Variants in AGBL4 observed in about 807,000 individuals in gnomAD.
The protein encoded by AGBL4 is AGBL carboxypeptidase 4.
A neutral mutation model predicts 66.4 loss-of-function variants in AGBL4; 58 were observed. The observed-to-expected ratio is 0.87, with a 90% confidence interval of 0.71 to 1.09. The LOEUF (loss-of-function observed/expected upper bound fraction) is 1.09, where lower values mean the gene tolerates loss of function less well. Among genes scored for constraint, AGBL4 ranks in the 50% least tolerant of loss-of-function variants. The pLI is 0.00. For missense variants in AGBL4, 579 were observed against 631.0 expected, an observed-to-expected ratio of 0.92 and a Z score of 0.88; for synonymous variants, 234 against 222.9, an observed-to-expected ratio of 1.05 and a Z score of -0.44.
intron 5 of AGBL4, among the ~76,000 whole-genome samples, chr1:49,011,585 T>C (rs1662417481): frequency 6.6e-6 from 1 of 152,112 alleles, no homozygotes; most frequent in South Asian, 2.1e-4. Context: ...TGCACACATA[T>C]GTTTATTGCG....
intron 1 of AGBL4, among the ~76,000 whole-genome samples, chr1:49,960,503 T>A (rs1328413602): frequency 1.3e-5 from 2 of 151,978 alleles, no homozygotes; most frequent in African/African-American, 4.8e-5. Flanking sequence ...TATACCACTA[T>A]AGGATGACTA....
chr1:49,716,248 G>T (rs2124674316), intron 2 of AGBL4, among the ~76,000 whole-genome samples: 1 of 152,222 alleles, frequency 6.6e-6, no homozygotes, highest in African/African-American at 2.4e-5. Context: ...GTTTGTCAAA[G>T]ATCAGATGGT....
intron 5 of AGBL4, among the ~76,000 whole-genome samples, chr1:48,877,492 C>G (rs1649339332): frequency 6.6e-6 from 1 of 152,000 alleles, no homozygotes; most frequent in South Asian, 2.1e-4. Flanking sequence ...ACACCACATT[C>G]TGTTTCTTTA....
At chr1:49,288,733 C>G (rs1644476202) in intron 3 of AGBL4, among the ~76,000 whole-genome samples, 1 of 152,148 alleles carries the variant, frequency 6.6e-6, no homozygotes, top group Non-Finnish European at 1.5e-5. Context: ...ATACCCAATA[C>G]TGTTTGAGAT....
At chr1:48,592,833 C>A (rs576104086) in intron 9 of AGBL4, among the ~76,000 whole-genome samples, 1 of 151,918 alleles carries the variant, frequency 6.6e-6, no homozygotes, top group South Asian at 2.1e-4. Context: ...GAATTAGAAC[C>A]TAGCTTTTCT....
At chr1:48,584,206 T>C (rs1644782495) in intron 11 of AGBL4, 2 of 152,256 alleles carry the variant, frequency 1.3e-5, no homozygotes, top group South Asian at 4.1e-4. Context: ...TGCATGTCCC[T>C]GTCTACAATA....
chr1:49,712,983 C>T (rs6677025), intron 2 of AGBL4, among the ~76,000 whole-genome samples: 10,328 of 151,962 alleles, frequency 0.068, 1,126 homozygotes, highest in African/African-American at 0.23. Context: ...TAGTAGCATA[C>T]ATTCAGAAGT....
intron 3 of AGBL4, among the ~76,000 whole-genome samples, chr1:49,533,678 A>C (rs926502023): frequency 6.6e-6 from 1 of 152,084 alleles, no homozygotes; most frequent in Non-Finnish European, 1.5e-5. Context: ...CAACCATTTA[A>C]TCAGATTTCT....
chr1:48,755,608 G>A (rs1652429054), intron 6 of AGBL4, among the ~76,000 whole-genome samples: 1 of 152,140 alleles, frequency 6.6e-6, no homozygotes, highest in African/African-American at 2.4e-5. Flanking sequence ...GTCAAACAAG[G>A]GTCTCTCATT....
At chr1:48,574,965 G>T (rs1028779758) in intron 11 of AGBL4, among the ~76,000 whole-genome samples, 5 of 152,142 alleles carry the variant, frequency 3.3e-5, no homozygotes, top group Non-Finnish European at 7.4e-5. Flanking sequence ...GGCCCCAGGG[G>T]TCACAGCAAA....
At chr1:49,374,032 A>G (rs1644422065) in intron 3 of AGBL4, among the ~76,000 whole-genome samples, 1 of 152,094 alleles carries the variant, frequency 6.6e-6, no homozygotes, top group East Asian at 1.9e-4. Flanking sequence ...AACATCAACA[A>G]CTATCTGATA....
Position 49,994,983 on chromosome 1 carries a change from G to C in AGBL4, c.34+28780C>G, listed in dbSNP as rs1346557595. On this transcript the variant is annotated intron_variant, in intron 1 of 13. Transcript: ENST00000371839. ...GAGGAAGCAGAGGAAAGAGCCCCGT[G>C]GGCACTCTTGGTCCCCAGGGAAGCC... 1.1e-5 allele frequency: 4 copies of C among 373,316 alleles called. No homozygotes were observed. The East Asian group carries it at 2.9e-4, about 27-fold the overall frequency. 23.1% of individuals were successfully genotyped at this position (373,316 alleles called of 1,614,324 possible). A position where few individuals can be genotyped will look rare whatever the true frequency, so the allele number is the denominator to read the frequency against.
intron 3 of AGBL4, among the ~76,000 whole-genome samples, chr1:49,464,001 C>A (rs987121653): frequency 6.6e-6 from 1 of 151,652 alleles, no homozygotes; most frequent in Admixed American, 6.6e-5. Flanking sequence ...ACAATAAACA[C>A]ATGTTGATTA....
intron 6 of AGBL4, among the ~76,000 whole-genome samples, chr1:48,673,517 C>T (rs1475506391): frequency 1.3e-5 from 2 of 152,104 alleles, no homozygotes; most frequent in South Asian, 2.1e-4. Flanking sequence ...ATATAAGCAC[C>T]GAAAATGCTA....
intron 6 of AGBL4, among the ~76,000 whole-genome samples, chr1:48,700,961 GA>G (rs1211418818): frequency 6.6e-6 from 1 of 152,148 alleles, no homozygotes; most frequent in African/African-American, 2.4e-5. Context: ...CAGTGCCAGT[GA>G]AAGGGCTTGT....
intron 4 of AGBL4, among the ~76,000 whole-genome samples, chr1:49,065,618 A>T (rs1553149350): frequency 6.6e-6 from 1 of 152,204 alleles, no homozygotes; most frequent in Non-Finnish European, 1.5e-5. Flanking sequence ...CATATGCTCT[A>T]CTTTCTCCAA....
At chr1:48,882,404 G>T (rs1308253334) in intron 5 of AGBL4, among the ~76,000 whole-genome samples, 2 of 151,744 alleles carry the variant, frequency 1.3e-5, no homozygotes, top group African/African-American at 4.9e-5. Context: ...AGGTATAATT[G>T]ACAAATAAAA....
At chr1:49,656,749 C>A (rs534126154) in intron 3 of AGBL4, among the ~76,000 whole-genome samples, 1 of 152,250 alleles carries the variant, frequency 6.6e-6, no homozygotes, top group Admixed American at 6.5e-5. Context: ...GAACCAAAGA[C>A]AAAAACCACA....
intron 1 of AGBL4, among the ~76,000 whole-genome samples, chr1:49,869,323 G>T (rs529367977): frequency 1.3e-5 from 2 of 151,978 alleles, no homozygotes; most frequent in Non-Finnish European, 2.9e-5. Context: ...TATTCACAAG[G>T]GCAAAGACAT....
Sources: allele counts gnomAD v4.1 joint callset (sites outside exome capture counted in the v4.1 genomes callset), GRCh38; gene constraint gnomAD v4.1.1; transcripts MANE v1.5; gene names NCBI Gene and HGNC (gene_info 2026-07-23, HGNC 2026-07-21).